The following BBX variants were observed in gnomAD, a reference collection of about 807,000 sequenced individuals.
BBX encodes the protein BBX high mobility group box domain containing.
Under a neutral mutation model 100.2 loss-of-function variants are expected in BBX, and 30 were observed. That is an observed-to-expected ratio of 0.30 (90% confidence interval 0.22 to 0.41). The LOEUF is 0.41. Among genes scored for constraint, BBX ranks in the 10% least tolerant of loss-of-function variants. The pLI is 1.00. For synonymous variants in BBX, 376 were observed against 388.1 expected (o/e 0.97, Z 0.37); for missense variants, 1,023 against 1,129.8 (o/e 0.91, Z 1.35).
At chr3:107,640,257 A>G (rs1462501724) in intron 2 of BBX, among the ~76,000 whole-genome samples, 1 of 152,216 alleles carries the variant, frequency 6.6e-6, no homozygotes, top group Non-Finnish European at 1.5e-5. Context: ...ATGGAGAGAA[A>G]AAAGAGCAAA....
chr3:107,782,376 A>G (rs1178860666), intron 13 of BBX, among the ~76,000 whole-genome samples: 3 of 152,268 alleles, frequency 2.0e-5, no homozygotes, highest in African/African-American at 4.8e-5. Context: ...GCCTAGTCTT[A>G]GAAGAAAACC....
chr3:107,526,632 C>T (rs1051404824), intron 2 of BBX: 2 of 328,146 alleles, frequency 6.1e-6, no homozygotes, highest in African/African-American at 2.1e-5. Context: ...AAGTAATTGT[C>T]GTTTCAAAAC....
At chr3:107,702,793 C>T (rs757878729) in intron 3 of BBX, among the ~76,000 whole-genome samples, 1 of 152,170 alleles carries the variant, frequency 6.6e-6, no homozygotes, top group Non-Finnish European at 1.5e-5. Flanking sequence ...GAGGCAAACA[C>T]AGCCTTTTAG....
intron 2 of BBX, among the ~76,000 whole-genome samples, chr3:107,547,717 C>T (rs2049342091): frequency 6.6e-6 from 1 of 151,862 alleles, no homozygotes; most frequent in Non-Finnish European, 1.5e-5. Flanking sequence ...ATTTATCCAA[C>T]CCCCAATTTC....
chr3:107,783,871 C>G (rs753963517), intron 13 of BBX, among the ~76,000 whole-genome samples: 17 of 152,000 alleles, frequency 1.1e-4, no homozygotes, highest in Non-Finnish European at 1.5e-4. Context: ...TTTCTAGTTT[C>G]ATTTCAAACC....
rs149947029 is a variant in BBX at position 107,602,333 on chromosome 3, T to C, written c.-83-43503T>C. On this transcript the variant is annotated intron_variant, in intron 2 of 17. Coordinates refer to ENST00000325805, the MANE Select transcript of BBX (RefSeq NM_001142568.3). Reference sequence around the variant, plus strand: ...TTCCTAAGGCTACAGCTGCTATAAATAGTGATTATAGTGATTGCTCTGATG... The same window carrying C: ...TTCCTAAGGCTACAGCTGCTATAAACAGTGATTATAGTGATTGCTCTGATG... Among the ~76,000 whole-genome samples, 1,283 of 152,328 alleles carry C rather than the reference T, an allele frequency of 8.4e-3. 9 individuals are homozygous for C. The highest frequency in any genetic ancestry group is 0.014 in the Non-Finnish European group (974 of 68,026).
At chr3:107,620,478 A>G (rs1446463039) in intron 2 of BBX, among the ~76,000 whole-genome samples, 2 of 152,146 alleles carry the variant, frequency 1.3e-5, no homozygotes, top group Non-Finnish European at 2.9e-5. Context: ...TTTGGGTATT[A>G]TGTTGTGAGA....
intron 4 of BBX, among the ~76,000 whole-genome samples, chr3:107,714,219 G>A (rs531215493): frequency 1.3e-4 from 20 of 151,578 alleles, no homozygotes; most frequent in Non-Finnish European, 2.8e-4. Flanking sequence ...TAGGTGATCC[G>A]CACCCCACCT....
At chr3:107,668,701 TTTC>T (rs1277976773) in intron 3 of BBX, among the ~76,000 whole-genome samples, 1 of 152,218 alleles carries the variant, frequency 6.6e-6, no homozygotes, top group Admixed American at 6.5e-5. Context: ...GGAGACAGCC[TTTC>T]TTCTTCACTC....
intron 10 of BBX, among the ~76,000 whole-genome samples, chr3:107,766,864 A>G (rs2066435974): frequency 6.6e-6 from 1 of 152,230 alleles, no homozygotes; most frequent in Non-Finnish European, 1.5e-5. Flanking sequence ...ACCATGGAAT[A>G]CTATGCAGCC....
At chr3:107,689,092 C>G (rs1184587079) in intron 3 of BBX, among the ~76,000 whole-genome samples, 1 of 152,200 alleles carries the variant, frequency 6.6e-6, no homozygotes, top group East Asian at 1.9e-4. Flanking sequence ...TTTATTTTCT[C>G]CAGTTGGTTC....
At chr3:107,678,330 C>T (rs1490464692) in intron 3 of BBX, among the ~76,000 whole-genome samples, 1 of 152,010 alleles carries the variant, frequency 6.6e-6, no homozygotes, top group Non-Finnish European at 1.5e-5. Context: ...ATTAAAGCAG[C>T]ATAGGTCAAC....
intron 3 of BBX, among the ~76,000 whole-genome samples, chr3:107,658,706 G>A (rs992567992): frequency 5.9e-5 from 9 of 151,908 alleles, no homozygotes; most frequent in Non-Finnish European, 1.0e-4. Context: ...TCTTTTGTGT[G>A]CTAATTTCTT....
chr3:107,689,861 C>T (rs1294364930), intron 3 of BBX, among the ~76,000 whole-genome samples: 1 of 152,086 alleles, frequency 6.6e-6, no homozygotes, highest in Non-Finnish European at 1.5e-5. Context: ...AAGTCCAGAG[C>T]CTTTATAGGC....
At position 107,541,820 on chromosome 3, in the gene BBX, AT is replaced by A. The variant is rs5851557; in HGVS notation, c.-84+15436del. ...TAAAGAAGTATAAGCAAATTCTATAATTTTTTTTTTTTTTAAGAGATGGAGT... is the reference window on the plus strand; with the variant it reads ...TAAAGAAGTATAAGCAAATTCTATAATTTTTTTTTTTTTAAGAGATGGAGT... On this transcript the variant is annotated intron_variant, in intron 2 of 17. Transcript: ENST00000325805. Among the ~76,000 whole-genome samples the A allele has an allele frequency of 7.6e-3, 1,101 of 144,680 alleles. 2 individuals are homozygous for A. The highest frequency in any genetic ancestry group is 8.2e-3 in the Non-Finnish European group (539 of 65,542). The allele number at this position is 144,680 out of a possible 152,430, so 94.9% of individuals were successfully genotyped here.
chr3:107,524,270 T>C (rs576559975), intron 1 of BBX: 1 of 152,228 alleles, frequency 6.6e-6, no homozygotes, highest in Admixed American at 6.5e-5. Flanking sequence ...TCGATGCCTC[T>C]AGAAAGAGCT....
intron 3 of BBX, among the ~76,000 whole-genome samples, chr3:107,686,651 A>G (rs1314784144): frequency 6.6e-6 from 1 of 152,098 alleles, no homozygotes; most frequent in African/African-American, 2.4e-5. Flanking sequence ...TTTTTTCATC[A>G]TGGAGGAGCC....
chr3:107,713,967 C>CTTTTTTTTTTTTTTT (rs569427270), intron 4 of BBX, among the ~76,000 whole-genome samples: 3 of 82,284 alleles, frequency 3.6e-5, no homozygotes, highest in Non-Finnish European at 7.7e-5. Flanking sequence ...TAATTTTTTT[C>CTTTTTTTTTTTTTTT]TTTTTTTTTT....
At chr3:107,707,884 CAA>C (rs1187624713) in intron 3 of BBX, among the ~76,000 whole-genome samples, 1 of 152,100 alleles carries the variant, frequency 6.6e-6, no homozygotes, top group Non-Finnish European at 1.5e-5. Context: ...TAATTTAATT[CAA>C]AATTTTGGGG....
Sources: allele counts gnomAD v4.1 joint callset (sites outside exome capture counted in the v4.1 genomes callset), GRCh38; gene constraint gnomAD v4.1.1; transcripts MANE v1.5; gene names NCBI Gene and HGNC (gene_info 2026-07-23, HGNC 2026-07-21).